The following KIAA1549L variants were observed in gnomAD, a reference collection of about 807,000 sequenced individuals.
The protein encoded by KIAA1549L is KIAA1549 like.
Under a neutral mutation model 160.7 loss-of-function variants are expected in KIAA1549L, and 88 were observed. The observed-to-expected ratio is 0.55, with a 90% confidence interval of 0.46 to 0.65. The LOEUF is 0.65. KIAA1549L is among the 30% of genes least tolerant of loss of function. The pLI, the probability that KIAA1549L is intolerant of heterozygous loss-of-function variation, is 0.00. For missense variants in KIAA1549L, 2,258 were observed against 2,437.5 expected (o/e 0.93, Z 1.55); for synonymous variants, 950 against 976.7 (o/e 0.97, Z 0.51).
At chr11:33,614,551 T>C (rs1850737320) in intron 15 of KIAA1549L, among the ~76,000 whole-genome samples, 1 of 13,722 alleles carries the variant, frequency 7.3e-5, no homozygotes, top group Non-Finnish European at 1.5e-4. Context: ...TATATATATA[T>C]ATATATATAT....
intron 1 of KIAA1549L, among the ~76,000 whole-genome samples, chr11:33,419,771 C>T (rs1259837874): frequency 2.0e-5 from 3 of 151,964 alleles, no homozygotes; most frequent in Non-Finnish European, 4.4e-5. Context: ...CGTTTGAACC[C>T]AGGAAGCGGA....
intron 11 of KIAA1549L, among the ~76,000 whole-genome samples, chr11:33,585,415 G>C (rs1855780666): frequency 6.6e-6 from 1 of 152,154 alleles, no homozygotes; most frequent in Non-Finnish European, 1.5e-5. Flanking sequence ...CTACTCAGGA[G>C]GCTGAGGCAG....
At chr11:33,550,997 G>C in intron 4 of KIAA1549L, 43 bp from the exon 5 acceptor site, 3 of 1,522,356 alleles carry the variant, frequency 2.0e-6, no homozygotes, top group South Asian at 2.2e-5. Context: ...TTAAAGTGCT[G>C]TGGAAATAAA....
intron 1 of KIAA1549L, among the ~76,000 whole-genome samples, chr11:33,499,046 G>GTT (rs371910432): frequency 1.3e-5 from 2 of 148,710 alleles, no homozygotes; most frequent in African/African-American, 4.9e-5. Context: ...TTTGTGCTCA[G>GTT]TTTTTTTTTT....
intron 1 of KIAA1549L, among the ~76,000 whole-genome samples, chr11:33,466,764 T>C (rs1256963079): frequency 1.3e-5 from 2 of 152,154 alleles, no homozygotes; most frequent in African/African-American, 4.8e-5. Flanking sequence ...GTGGCACATA[T>C]ACACTATGGA....
At chr11:33,568,265 T>C (rs1855121278) in intron 9 of KIAA1549L, 38 bp downstream of exon 9, 6 of 1,502,652 alleles carry the variant, frequency 4.0e-6, no homozygotes, top group Admixed American at 3.7e-5. Flanking sequence ...TTCTAATAAC[T>C]GGGGGTAGAG....
intron 1 of KIAA1549L, among the ~76,000 whole-genome samples, chr11:33,389,775 G>A (rs1284043439): frequency 2.0e-5 from 3 of 152,180 alleles, no homozygotes; most frequent in South Asian, 2.1e-4. Context: ...CACGGTTGTC[G>A]AAGCTTTCAG....
chr11:33,580,602 G>GAAAAA (rs71457309), intron 10 of KIAA1549L, among the ~76,000 whole-genome samples: 2 of 138,348 alleles, frequency 1.4e-5, no homozygotes, highest in East Asian at 4.2e-4. Flanking sequence ...GAAAAGAAAA[G>GAAAAA]AAAAAAAAAG....
At chr11:33,537,541 G>A in intron 1 of KIAA1549L, among the ~76,000 whole-genome samples, 1 of 152,156 alleles carries the variant, frequency 6.6e-6, no homozygotes, top group East Asian at 1.9e-4. Context: ...AGAATTCACT[G>A]ACTTTAAGCC....
chr11:33,645,231 C>T (rs1851684010), intron 16 of KIAA1549L, among the ~76,000 whole-genome samples: 1 of 152,022 alleles, frequency 6.6e-6, no homozygotes, highest in Non-Finnish European at 1.5e-5. Flanking sequence ...TAGCATCAGG[C>T]AATCAGCACT....
At chr11:33,632,341 T>C (rs1405114054) in intron 16 of KIAA1549L, among the ~76,000 whole-genome samples, 2 of 152,226 alleles carry the variant, frequency 1.3e-5, no homozygotes, top group Admixed American at 1.3e-4. Context: ...ACAAGGTTTA[T>C]GGGTTTTACT....
At chr11:33,391,157 C>T (rs762746373) in intron 1 of KIAA1549L, among the ~76,000 whole-genome samples, 5 of 152,154 alleles carry the variant, frequency 3.3e-5, no homozygotes, top group East Asian at 1.9e-4. Context: ...AGGCACTCAG[C>T]GATGCTTTAT....
At chr11:33,391,118 T>C (rs1850265088) in intron 1 of KIAA1549L, among the ~76,000 whole-genome samples, 2 of 152,254 alleles carry the variant, frequency 1.3e-5, no homozygotes, top group Non-Finnish European at 2.9e-5. Context: ...CTTCAAATAC[T>C]GTGTATAGTC....
At chr11:33,418,324 G>A (rs1850928354) in intron 1 of KIAA1549L, among the ~76,000 whole-genome samples, 1 of 152,188 alleles carries the variant, frequency 6.6e-6, no homozygotes, top group Non-Finnish European at 1.5e-5. Context: ...ATGCTGAGAG[G>A]CCTGTGGAAT....
At chr11:33,589,836 C>T (rs1849994725) in intron 11 of KIAA1549L, among the ~76,000 whole-genome samples, 1 of 152,138 alleles carries the variant, frequency 6.6e-6, no homozygotes, top group Non-Finnish European at 1.5e-5. Context: ...GGGTGCAGCA[C>T]ACCAACGTGG....
At chr11:33,441,319 A>G (rs1034896767) in intron 1 of KIAA1549L, among the ~76,000 whole-genome samples, 31 of 151,934 alleles carry the variant, frequency 2.0e-4, no homozygotes, top group Admixed American at 9.2e-4. Context: ...CCAGTCTATC[A>G]TTGTTGGACA....
chr11:33,521,966 A>C (rs2133127645), intron 1 of KIAA1549L, among the ~76,000 whole-genome samples: 1 of 152,348 alleles, frequency 6.6e-6, no homozygotes, highest in Middle Eastern at 3.4e-3. Context: ...ATTTAAATTT[A>C]ATGTAGATAG....
chr11:33,648,055 C>T (rs530375981), intron 17 of KIAA1549L, among the ~76,000 whole-genome samples: 16 of 152,128 alleles, frequency 1.1e-4, no homozygotes, highest in Non-Finnish European at 1.9e-4. Flanking sequence ...AGTGCAGTGG[C>T]GCAATCTTGG....
At chr11:33,450,494 G>T (rs1851697649) in intron 1 of KIAA1549L, among the ~76,000 whole-genome samples, 1 of 151,962 alleles carries the variant, frequency 6.6e-6, no homozygotes, top group South Asian at 2.1e-4. Flanking sequence ...TGGGAATCTG[G>T]GGCTGCAGTA....
Sources: gnomAD v4.1 joint callset for allele counts (sites outside exome capture counted in the v4.1 genomes callset) on GRCh38, gnomAD v4.1.1 for gene constraint, MANE v1.5 for transcripts, NCBI Gene and HGNC (gene_info 2026-07-23, HGNC 2026-07-21) for gene names.